Variants in PLB1 observed in about 807,000 individuals in gnomAD.
PLB1 encodes the protein phospholipase B1, membrane-associated.
In PLB1, 242 loss-of-function variants were observed where a neutral mutation model predicts 227.4. That is an observed-to-expected ratio of 1.06 (90% CI 0.96 to 1.18). The LOEUF (loss-of-function observed/expected upper bound fraction) is 1.18. PLB1 is among the 50% of genes most tolerant of loss of function. The pLI, the probability that PLB1 is intolerant of heterozygous loss-of-function variation, is 0.00. For synonymous variants in PLB1, 757 were observed against 682.2 expected (o/e 1.11, Z -1.71); for missense variants, 1,858 against 1,816.3 (o/e 1.02, Z -0.42).
At chr2:28,521,142 A>C (rs1223400994) in intron 4 of PLB1, among the ~76,000 whole-genome samples, 1 of 152,142 alleles carries the variant, frequency 6.6e-6, no homozygotes, top group Non-Finnish European at 1.5e-5. Context: ...TTCCTTGTAT[A>C]TCTAGATCAG....
chr2:28,543,170 TG>T, intron 13 of PLB1, 41 bp from the exon 14 acceptor site: 1 of 1,576,628 alleles, frequency 6.3e-7, no homozygotes. Context: ...GTTGCATTCC[TG>T]GGGAGACAAA....
intron 31 of PLB1, 148 bp downstream of exon 31, chr2:28,591,908 C>G (rs1009227350): frequency 5.2e-5 from 40 of 768,096 alleles, no homozygotes; most frequent in Admixed American, 1.6e-4. Context: ...TGGGATGAGT[C>G]CCTGTTTCGC....
chr2:28,601,135 T>C (rs1683806122), intron 36 of PLB1, 117 bp from the exon 37 acceptor site: 1 of 885,180 alleles, frequency 1.1e-6, no homozygotes, highest in Non-Finnish European at 1.8e-6. Context: ...TCAGAGATGC[T>C]GATTCCATTA....
intron 9 of PLB1, among the ~76,000 whole-genome samples, chr2:28,537,189 C>T (rs1671803848): frequency 6.6e-6 from 1 of 152,036 alleles, no homozygotes; most frequent in African/African-American, 2.4e-5. Context: ...AACAGGGACA[C>T]TGCATTTCCT....
At chr2:28,570,171 C>G (rs953516188) in intron 20 of PLB1, among the ~76,000 whole-genome samples, 1 of 152,066 alleles carries the variant, frequency 6.6e-6, no homozygotes, top group Non-Finnish European at 1.5e-5. Context: ...CTTCACAACT[C>G]ATTCTATGAG....
intron 54 of PLB1, among the ~76,000 whole-genome samples, chr2:28,630,972 T>C (rs953528168): frequency 6.6e-6 from 1 of 151,886 alleles, no homozygotes. Context: ...TACTACTCAC[T>C]TCCTCCCCTC....
intron 12 of PLB1, among the ~76,000 whole-genome samples, chr2:28,540,697 A>G (rs1672365569): frequency 1.3e-5 from 2 of 152,154 alleles, no homozygotes; most frequent in South Asian, 4.1e-4. Flanking sequence ...TACTTGAGGC[A>G]AAAGATAGTG....
Position 28,643,227 on chromosome 2 carries a change from C to G in PLB1, c.*166C>G, listed in dbSNP as rs1481589719. On this transcript the variant is annotated 3_prime_UTR_variant, in exon 58 of 58. Coordinates refer to ENST00000327757, the MANE Select transcript of PLB1 (RefSeq NM_153021.5). The stretch of plus-strand genomic sequence containing the variant: ...CCTGGGCTTCTTCCAGGCCTATGCT[C>G]CTGGAATGGATACATTTAAATAAAG... 5.2e-6 allele frequency: 3 copies of G among 582,482 alleles called. No individual in the cohort carries two copies. Among genetic ancestry groups the G allele is most frequent in the Admixed American group, 6.4e-5 (2 of 31,442 alleles). The allele number at this position is 582,482 out of a possible 1,614,324, so 36.1% of individuals were successfully genotyped here. A position where few individuals can be genotyped will look rare whatever the true frequency, so the allele number is the denominator to read the frequency against.
At chr2:28,553,937 G>A (rs985797128) in intron 17 of PLB1, among the ~76,000 whole-genome samples, 2 of 152,140 alleles carry the variant, frequency 1.3e-5, no homozygotes, top group African/African-American at 4.8e-5. Flanking sequence ...AGCATCAGGA[G>A]AGCAAATAAA....
At chr2:28,632,642 G>C (rs998749785) in intron 55 of PLB1, among the ~76,000 whole-genome samples, 1 of 152,104 alleles carries the variant, frequency 6.6e-6, no homozygotes, top group Non-Finnish European at 1.5e-5. Flanking sequence ...CAAAAAGTTA[G>C]CTGGGCGTGA....
At chr2:28,636,019 ATG>A (rs540787508) in intron 56 of PLB1, among the ~76,000 whole-genome samples, 10 of 98,284 alleles carry the variant, frequency 1.0e-4, no homozygotes, top group Non-Finnish European at 1.6e-4. Flanking sequence ...GTATGTATGA[ATG>A]TGTGTGTATG....
intron 49 of PLB1, among the ~76,000 whole-genome samples, chr2:28,622,905 A>AAAAT (rs1404838422): frequency 6.6e-6 from 1 of 152,250 alleles, no homozygotes; most frequent in Non-Finnish European, 1.5e-5. Context: ...ATAATAATTA[A>AAAAT]AAATAAATAA....
chr2:28,598,496 C>G (rs1435548903), intron 34 of PLB1, among the ~76,000 whole-genome samples, 156 bp from the exon 35 acceptor site: 1 of 152,174 alleles, frequency 6.6e-6, no homozygotes, highest in Non-Finnish European at 1.5e-5. Flanking sequence ...GTGGTCCCAG[C>G]TTATGTCCAG....
chr2:28,615,141 G>A (rs965967291), intron 44 of PLB1, among the ~76,000 whole-genome samples: 3 of 152,112 alleles, frequency 2.0e-5, no homozygotes, highest in African/African-American at 4.8e-5. Context: ...ACAGTCCCAG[G>A]CAGAAGGACC....
chr2:28,629,863 C>T (rs1389652034), intron 53 of PLB1, among the ~76,000 whole-genome samples: 1 of 152,154 alleles, frequency 6.6e-6, no homozygotes, highest in Admixed American at 6.5e-5. Context: ...GTTCTGAGGG[C>T]AGAGGGCCTC....
intron 12 of PLB1, 150 bp from the exon 13 acceptor site, chr2:28,541,557 T>C: frequency 1.6e-6 from 1 of 611,282 alleles, no homozygotes; most frequent in Non-Finnish European, 2.9e-6. Context: ...CCCTGAAGGG[T>C]GAGACAAGAG....
At chr2:28,642,408 C>T (rs565194398) in intron 57 of PLB1, among the ~76,000 whole-genome samples, 3 of 152,318 alleles carry the variant, frequency 2.0e-5, no homozygotes, top group East Asian at 1.9e-4. Flanking sequence ...CCTCCCCTCC[C>T]GGCCCTTCTG....
At chr2:28,504,249 AT>A (rs1294507176) in intron 1 of PLB1, among the ~76,000 whole-genome samples, 3 of 152,170 alleles carry the variant, frequency 2.0e-5, no homozygotes, top group African/African-American at 4.8e-5. Flanking sequence ...ATTCTAAGTA[AT>A]TTATTATGAT....
At chr2:28,558,156 C>CTGTGTGTG (rs3041209) in intron 17 of PLB1, among the ~76,000 whole-genome samples, 1 of 150,336 alleles carries the variant, frequency 6.7e-6, no homozygotes, top group Non-Finnish European at 1.5e-5. Flanking sequence ...GTGTGTGTCT[C>CTGTGTGTG]TGTGTGTGTG....
Sources: gnomAD v4.1 joint callset for allele counts (sites outside exome capture counted in the v4.1 genomes callset) on GRCh38, gnomAD v4.1.1 for gene constraint, MANE v1.5 for transcripts, NCBI Gene and HGNC (gene_info 2026-07-23, HGNC 2026-07-21) for gene names.